QKI: variants seen among roughly 807,000 people sequenced by gnomAD.
QKI encodes the protein QKI, KH domain containing RNA binding.
Under a neutral mutation model 39.0 loss-of-function variants are expected in QKI, and 10 were observed. That is an observed-to-expected ratio of 0.26 (90% CI 0.16 to 0.43). The LOEUF is 0.43. Among genes scored for constraint, QKI ranks in the 20% least tolerant of loss-of-function variants. The pLI is 1.00. For missense variants in QKI, 218 were observed against 428.0 expected (o/e 0.51, Z 4.33); for synonymous variants, 204 against 155.4 (o/e 1.31, Z -2.33).
chr6:163,490,142 A>G (rs191793731), intron 3 of QKI, among the ~76,000 whole-genome samples: 3 of 152,340 alleles, frequency 2.0e-5, no homozygotes, highest in African/African-American at 4.8e-5. Context: ...AAAAGTGGCA[A>G]TGAAATGTAT....
chr6:163,565,885 T>G, intron 6 of QKI: 1 of 1,606,078 alleles, frequency 6.2e-7, no homozygotes, highest in South Asian at 1.1e-5. Context: ...GTGAGGAGAT[T>G]GGTATTAGCA....
At chr6:163,464,410 A>G (rs775286820) in intron 2 of QKI, among the ~76,000 whole-genome samples, 9 of 152,276 alleles carry the variant, frequency 5.9e-5, no homozygotes, top group Middle Eastern at 6.8e-3. Flanking sequence ...AGAAAAGTTC[A>G]ACAAAACAGA....
At chr6:163,497,236 T>C (rs957769382) in intron 3 of QKI, among the ~76,000 whole-genome samples, 2 of 152,192 alleles carry the variant, frequency 1.3e-5, no homozygotes, top group Non-Finnish European at 2.9e-5. Context: ...ATTTGCCATT[T>C]TGTGCCATCA....
intron 1 of QKI, among the ~76,000 whole-genome samples, chr6:163,445,170 AAAT>A (rs1448667401): frequency 6.6e-6 from 1 of 152,200 alleles, no homozygotes; most frequent in Non-Finnish European, 1.5e-5. Flanking sequence ...CAGTGGAAAA[AAAT>A]AATGTGGATG....
At chr6:163,443,874 G>A (rs1397357565) in intron 1 of QKI, among the ~76,000 whole-genome samples, 1 of 152,140 alleles carries the variant, frequency 6.6e-6, no homozygotes, top group Non-Finnish European at 1.5e-5. Flanking sequence ...CTACACAGAC[G>A]TAACTCCTTC....
intron 1 of QKI, among the ~76,000 whole-genome samples, chr6:163,430,123 C>T (rs1450839277): frequency 6.6e-6 from 1 of 152,112 alleles, no homozygotes; most frequent in Non-Finnish European, 1.5e-5. Flanking sequence ...TGGGAACATT[C>T]TGAGTAGGAA....
intron 4 of QKI, among the ~76,000 whole-genome samples, chr6:163,556,854 A>G (rs940815194): frequency 1.2e-4 from 18 of 152,176 alleles, no homozygotes; most frequent in African/African-American, 4.1e-4. Context: ...AGTGTGTTCT[A>G]TTTTTGAGCT....
intron 4 of QKI, among the ~76,000 whole-genome samples, chr6:163,552,559 G>A (rs1313368130): frequency 1.3e-5 from 2 of 152,092 alleles, no homozygotes; most frequent in African/African-American, 4.8e-5. Flanking sequence ...AGCGGAGGAG[G>A]AGGAGGGGTT....
At chr6:163,439,705 G>T (rs1388790047) in intron 1 of QKI, among the ~76,000 whole-genome samples, 1 of 148,468 alleles carries the variant, frequency 6.7e-6, no homozygotes, top group Non-Finnish European at 1.5e-5. Flanking sequence ...GCCCAGGCTG[G>T]AGTACAGTGG....
chr6:163,431,605 T>C (rs1788834558), intron 1 of QKI, among the ~76,000 whole-genome samples: 1 of 152,114 alleles, frequency 6.6e-6, no homozygotes, highest in Admixed American at 6.5e-5. Context: ...AACATTAAGA[T>C]GCAATTTTGT....
intron 3 of QKI, among the ~76,000 whole-genome samples, chr6:163,487,318 G>C (rs1407568959): frequency 1.3e-5 from 2 of 151,992 alleles, no homozygotes; most frequent in African/African-American, 2.4e-5. Flanking sequence ...ATTCCCCATT[G>C]CCTCACTTCA....
intron 4 of QKI, among the ~76,000 whole-genome samples, chr6:163,542,691 T>C (rs193194614): frequency 3.7e-4 from 57 of 152,148 alleles, no homozygotes; most frequent in African/African-American, 1.3e-3. Context: ...TTCTTTATGG[T>C]GAGTAAAATT....
intron 3 of QKI, among the ~76,000 whole-genome samples, chr6:163,490,754 T>C (rs1219408340): frequency 6.6e-6 from 1 of 152,178 alleles, no homozygotes; most frequent in East Asian, 1.9e-4. Context: ...TTAATTGTTT[T>C]GGAAAGGTAA....
In QKI at chr6:163,576,000, T is replaced by C. The variant is rs1044459431; in HGVS notation, c.*5290T>C. 6.6e-6 allele frequency: 1 copy of C among 151,712 alleles called. No homozygotes were observed. The highest frequency in any genetic ancestry group is 1.5e-5 in the Non-Finnish European group (1 of 67,988). 9.4% of individuals were successfully genotyped at this position (151,712 alleles called of 1,614,324 possible). On this transcript the variant is annotated 3_prime_UTR_variant, in exon 8 of 8. Coordinates refer to ENST00000361752, the MANE Select transcript of QKI (RefSeq NM_006775.3). ...TAGAATAGAACTTACTGCCAAATGA[T>C]TATTTATTTAGCAAAAATTATTCTC...
intron 1 of QKI, among the ~76,000 whole-genome samples, chr6:163,420,184 T>C (rs1380014072): frequency 3.4e-5 from 5 of 147,858 alleles, no homozygotes; most frequent in Non-Finnish European, 7.4e-5. Flanking sequence ...GTGGTTTTTT[T>C]CTTTCCTTTT....
At chr6:163,431,115 A>G (rs1049540259) in intron 1 of QKI, among the ~76,000 whole-genome samples, 1 of 152,130 alleles carries the variant, frequency 6.6e-6, no homozygotes, top group African/African-American at 2.4e-5. Flanking sequence ...AGGTTTAAAC[A>G]ATAATTGTTT....
At chr6:163,553,901 A>C (rs1232484514) in intron 4 of QKI, among the ~76,000 whole-genome samples, 1 of 152,184 alleles carries the variant, frequency 6.6e-6, no homozygotes, top group East Asian at 1.9e-4. Context: ...AAAGTGCCTG[A>C]CACTTTCCCT....
chr6:163,564,888 T>C (rs1783257040), intron 6 of QKI: 1 of 1,377,720 alleles, frequency 7.3e-7, no homozygotes. Context: ...CTTTGATCTT[T>C]TAAGGTTTTT....
Position 163,414,982 on chromosome 6 carries a change from G to A in QKI, c.-212G>A, listed in dbSNP as rs1343619663. On this transcript the variant is annotated 5_prime_UTR_variant, in exon 1 of 8. Coordinates refer to ENST00000361752, the MANE Select transcript of QKI (RefSeq NM_006775.3). The stretch of plus-strand genomic sequence containing the variant: ...GCCGAGAGCGGCGGCGGCTGGGAGC[G>A]CGTCGGGCCCGGGCGGAAAGTGCCT... 3 of 260,818 alleles carry A rather than the reference G, an allele frequency of 1.2e-5. No individual in the cohort carries two copies. The East Asian group carries it at 5.5e-4, about 48-fold the overall frequency. 16.2% of individuals were successfully genotyped at this position (260,818 alleles called of 1,614,324 possible). A position where few individuals can be genotyped will look rare whatever the true frequency, so the allele number is the denominator to read the frequency against.
Sources: allele counts gnomAD v4.1 joint callset (sites outside exome capture counted in the v4.1 genomes callset), GRCh38; gene constraint gnomAD v4.1.1; transcripts MANE v1.5; gene names NCBI Gene and HGNC (gene_info 2026-07-23, HGNC 2026-07-21).